FOXN4: variants seen among roughly 807,000 people sequenced by gnomAD.
FOXN4 encodes forkhead box N4.
A neutral mutation model predicts 45.0 loss-of-function variants in FOXN4; 12 were observed. The ratio of observed to expected loss-of-function variants is 0.27; its 90% CI spans 0.17 to 0.43. The LOEUF is 0.43. Ranked by LOEUF, FOXN4 falls within the 20% of genes least tolerant of loss-of-function variation. The pLI is 1.00. For missense variants in FOXN4, 560 were observed against 694.9 expected (o/e 0.81, Z 2.18); for synonymous variants, 297 against 295.0 (o/e 1.01, Z -0.07).
chr12:109,298,470 T>G (rs377487082), intron 2 of FOXN4, among the ~76,000 whole-genome samples: 14 of 151,994 alleles, frequency 9.2e-5, no homozygotes, highest in Admixed American at 3.3e-4. Flanking sequence ...CAAGGAATTC[T>G]CCTGTCTCAG....
Position 109,279,486 on chromosome 12 carries a change from G to T in FOXN4, c.*185C>A. ...CCAGAAACTGCTCCGGAAGCTCCAG[G>T]GGGAGGCACGAGAAGGAGAGGGGCT... On this transcript the variant is annotated 3_prime_UTR_variant, in exon 10 of 10. Transcript: ENST00000299162. The T allele has an allele frequency of 1.2e-6, 1 of 847,248 alleles. No individual in the cohort carries two copies. The highest frequency in any genetic ancestry group is 1.8e-6 in the Non-Finnish European group (1 of 561,566). 52.5% of individuals were successfully genotyped at this position (847,248 alleles called of 1,614,324 possible). A position where few individuals can be genotyped will look rare whatever the true frequency, so the allele number is the denominator to read the frequency against.
intron 8 of FOXN4, among the ~76,000 whole-genome samples, chr12:109,284,466 C>CGTGCAT (rs1316468787): frequency 2.6e-5 from 4 of 151,784 alleles, no homozygotes; most frequent in Non-Finnish European, 4.4e-5. Flanking sequence ...TGCATGTGTG[C>CGTGCAT]GTGTGCGCAC....
At chr12:109,289,047 G>A (rs1049349462) in intron 3 of FOXN4, among the ~76,000 whole-genome samples, 17 of 152,218 alleles carry the variant, frequency 1.1e-4, no homozygotes, top group African/African-American at 3.9e-4. Context: ...AAGAAGAGGA[G>A]AGGCGTCCTT....
intron 2 of FOXN4, among the ~76,000 whole-genome samples, chr12:109,306,118 A>C (rs2047919960): frequency 1.3e-5 from 2 of 151,780 alleles, no homozygotes; most frequent in South Asian, 4.2e-4. Context: ...CCACCCTCCA[A>C]GTTCCTCCCC....
At chr12:109,306,784 A>G (rs1248731680) in intron 2 of FOXN4, among the ~76,000 whole-genome samples, 1 of 152,210 alleles carries the variant, frequency 6.6e-6, no homozygotes, top group Non-Finnish European at 1.5e-5. Context: ...AGGCTCAGAG[A>G]GCTCCACGTA....
chr12:109,279,826 G>A lies in FOXN4; in HGVS notation c.1399C>T (p.Pro467Ser). ...GACTGGTCGCTGCCACCCGAGGCAG[G>A]GGTTAGGCCTGAGGCCCCCAGGTCA... The part of the protein sequence containing the change: ...GCDLGASGLT[P>S]ASGGSDQSFP... Residue 467 changes from proline (P) to serine (S), a missense_variant, in exon 10 of 10, where the codon CCT becomes TCT. By Grantham distance (74) the Pro-to-Ser change is moderately conservative (BLOSUM62 -1). Transcript: ENST00000299162. The A allele has an allele frequency of 6.2e-7, 1 of 1,613,490 alleles. No homozygotes were observed. The highest frequency in any genetic ancestry group is 1.7e-4 in the Middle Eastern group (1 of 6,060).
In FOXN4 at chr12:109,290,127, G is replaced by A; in HGVS notation, c.232+14C>T. ...TATCACCCTCCTCCCTGCCTACCTT[G>A]TCCCTGAGCCTACCTGGGTGTGGAT... is the stretch of plus-strand genomic sequence containing the variant. On this transcript the variant is annotated intron_variant, in intron 3 of 9. Transcript: ENST00000299162. This position sits in a 1 kb window ranked among gnomAD's most constrained non-coding sequence, Gnocchi z 5.1. The A allele has an allele frequency of 6.5e-7, 1 of 1,536,718 alleles. No homozygotes were observed. The highest frequency in any genetic ancestry group is 8.8e-7 in the Non-Finnish European group (1 of 1,138,736).
In FOXN4 at chr12:109,279,876, G is replaced by A. The variant is rs1465669444; in HGVS notation, c.1349C>T (p.Ala450Val). The A allele has an allele frequency of 6.2e-7, 1 of 1,613,996 alleles. No homozygotes were observed. The highest frequency in any genetic ancestry group is 2.2e-5 in the East Asian group (1 of 44,880). Residue 450 changes from alanine (A) to valine (V), a missense_variant, in exon 10 of 10, where the codon GCC (alanine) becomes GTC (valine). Physicochemically the swap from Ala to Val is moderately conservative, Grantham distance 64. This residue lies in a region of FOXN4 where 315 missense variants were observed against 350.5 expected (regional missense o/e 0.90). Transcript: ENST00000299162. ...ACAGCCAAGCGGGGAGTCTGCAAAGGCGCCCAGTGTGTCCAAGCTGAATCC... is the reference window on the plus strand; with the variant it reads ...ACAGCCAAGCGGGGAGTCTGCAAAGACGCCCAGTGTGTCCAAGCTGAATCC... The part of the protein sequence containing the change: ...DEGFSLDTLG[A>V]FADSPLGCDL...
In FOXN4 at chr12:109,285,409, A is replaced by T; in HGVS notation, c.796T>A (p.Cys266Ser). The change falls in exon 8 of 10, where the codon TGC becomes AGC. Residue 266 changes from cysteine (C) to serine (S), a missense_variant. Physicochemically the swap from Cys to Ser is moderately radical, Grantham distance 112 (BLOSUM62 -1). Transcript: ENST00000299162. ...NKMSGSSRKG[C>S]LWALNLARID... ...CGGGCCAGGTTCAGAGCCCACAGGC[A>T]GCCCTTGCGGGAGGAGCCGCTCATC... 1 of 1,614,024 alleles carries T rather than the reference A, an allele frequency of 6.2e-7. No individual in the cohort carries two copies. Among genetic ancestry groups the T allele is most frequent in the South Asian group, 1.1e-5 (1 of 91,082 alleles).
intron 2 of FOXN4, among the ~76,000 whole-genome samples, chr12:109,300,696 G>C (rs987994790): frequency 1.3e-5 from 2 of 152,098 alleles, no homozygotes; most frequent in East Asian, 3.8e-4. Context: ...ATCACTTGAG[G>C]CCAGGAGTTC....
intron 7 of FOXN4, among the ~76,000 whole-genome samples, chr12:109,286,359 G>C (rs545538329): frequency 4.6e-5 from 7 of 152,154 alleles, no homozygotes; most frequent in Non-Finnish European, 5.9e-5. Context: ...CTGTTGTTTT[G>C]CATCATTATG....
intron 2 of FOXN4, among the ~76,000 whole-genome samples, chr12:109,298,455 G>C (rs1193421563): frequency 6.6e-6 from 1 of 150,726 alleles, no homozygotes; most frequent in African/African-American, 2.4e-5. Context: ...TCCGCCTCCC[G>C]GGTTCAAGGA....
intron 7 of FOXN4, among the ~76,000 whole-genome samples, chr12:109,286,111 A>G (rs1412719124): frequency 6.6e-6 from 1 of 152,150 alleles, no homozygotes; most frequent in East Asian, 1.9e-4. Flanking sequence ...GTACTGCAGT[A>G]TTTTTGCTAA....
chr12:109,280,004 G>A, intron 9 of FOXN4, 74 bp from the exon 10 acceptor site: 1 of 1,585,670 alleles, frequency 6.3e-7, no homozygotes, highest in East Asian at 2.2e-5. Flanking sequence ...CCATCTTAGG[G>A]AAGAGGCAGA....
At chr12:109,297,810 C>T (rs1387833130) in intron 2 of FOXN4, among the ~76,000 whole-genome samples, 1 of 152,094 alleles carries the variant, frequency 6.6e-6, no homozygotes. Context: ...GCAGTGTCTC[C>T]CCAATAGGCA....
At chr12:109,303,215 A>C (rs1167227349) in intron 2 of FOXN4, among the ~76,000 whole-genome samples, 1 of 152,048 alleles carries the variant, frequency 6.6e-6, no homozygotes, top group Non-Finnish European at 1.5e-5. Flanking sequence ...CTTGCCCATA[A>C]GGTCACCTGA....
At chr12:109,289,935 G>C (rs1237652619) in intron 3 of FOXN4, among the ~76,000 whole-genome samples, 1 of 152,176 alleles carries the variant, frequency 6.6e-6, no homozygotes, top group Non-Finnish European at 1.5e-5. Context: ...ACCTTAGCTC[G>C]CCCAGGGCCT....
Position 109,279,754 on chromosome 12 carries a change from G to C in FOXN4, c.1471C>G (p.Pro491Ala). 1.3e-6 allele frequency: 2 copies of C among 1,592,104 alleles called. No individual in the cohort carries two copies. Among genetic ancestry groups the C allele is most frequent in the Non-Finnish European group, 1.7e-6 (2 of 1,169,448 alleles). The stretch of plus-strand genomic sequence containing the variant: ...GTGCCCGATGCAGCCACACTGTCCG[G>C]AGTGGAGTACGCTGTGTAGAGACCC... Reference protein sequence around the residue: ...VTGLYTAYSTPDSVAASGTSS... With the variant: ...VTGLYTAYSTADSVAASGTSS... The change falls in exon 10 of 10, where the codon CCG becomes GCG. Residue 491 changes from proline (P) to alanine (A), a missense_variant. Physicochemically the swap from Pro to Ala is conservative, Grantham distance 27. Coordinates refer to ENST00000299162, the MANE Select transcript of FOXN4 (RefSeq NM_213596.3).
At chr12:109,304,270 A>AGAAAGAAAGAAG (rs1566005601) in intron 2 of FOXN4, among the ~76,000 whole-genome samples, 22 of 100,330 alleles carry the variant, frequency 2.2e-4, no homozygotes, top group African/African-American at 9.4e-4. Context: ...AAAGAAAGAA[A>AGAAAGAAAGAAG]GAAAGAAAGA....
Sources: allele counts gnomAD v4.1 joint callset (sites outside exome capture counted in the v4.1 genomes callset), GRCh38; gene constraint gnomAD v4.1.1; regional missense constraint gnomAD v4.1.1; non-coding constraint Gnocchi (gnomAD v3.1); transcripts MANE v1.5; gene names NCBI Gene and HGNC (gene_info 2026-07-23, HGNC 2026-07-21).